The following RGS3 variants were observed in gnomAD, a reference collection of about 807,000 sequenced individuals.
RGS3 encodes the protein regulator of G-protein signalling 3.
RGS3 carries 80 observed loss-of-function variants against 132.6 expected under a neutral mutation model. The observed-to-expected ratio is 0.60, with a 90% CI of 0.50 to 0.73. RGS3 has a LOEUF of 0.73. RGS3 is among the 30% of genes least tolerant of loss of function. The pLI, the probability that RGS3 is intolerant of heterozygous loss-of-function variation, is 0.00. For synonymous variants in RGS3, 598 were observed against 620.6 expected, an observed-to-expected ratio of 0.96 and a Z score of 0.54; for missense variants, 1,382 against 1,530.8, an observed-to-expected ratio of 0.90 and a Z score of 1.62.
upstream of RGS3, among the ~76,000 whole-genome samples, chr9:113,456,536 C>T (rs958689792): frequency 6.6e-6 from 1 of 152,204 alleles, no homozygotes; most frequent in African/African-American, 2.4e-5. Flanking sequence ...CCTATTGCCA[C>T]TTCCCTAGTT....
chr9:113,522,741 C>T (rs1266554133), intron 16 of RGS3, 189 bp from the exon 15 acceptor site: 1 of 597,740 alleles, frequency 1.7e-6, no homozygotes, highest in African/African-American at 1.9e-5. Context: ...GGTGATGGGG[C>T]CATCTTGACT....
intron 3 of RGS3, among the ~76,000 whole-genome samples, chr9:113,467,927 A>C (rs535000713): frequency 6.6e-6 from 1 of 152,160 alleles, no homozygotes; most frequent in Non-Finnish European, 1.5e-5. Context: ...AGGTTTCCCT[A>C]TGTTGCCCAA....
Position 113,591,283 on chromosome 9 carries a change from C to T in RGS3, c.3016-50C>T. The T allele has an allele frequency of 6.5e-7, 1 of 1,541,116 alleles. No individual in the cohort carries two copies. Among genetic ancestry groups the T allele is most frequent in the Non-Finnish European group, 9.0e-7 (1 of 1,116,144 alleles). ...GTCTCTGAGCCTCTGTTTACTTAGGCAGGAGTTCCTGGGTGCCCAGACTGC... is the reference window on the plus strand; with the variant it reads ...GTCTCTGAGCCTCTGTTTACTTAGGTAGGAGTTCCTGGGTGCCCAGACTGC... On this transcript the variant is annotated intron_variant, in intron 20 of 24. Transcript: ENST00000350696. This position sits in a 1 kb window ranked among gnomAD's most constrained non-coding sequence, Gnocchi z 4.4.
chr9:113,517,637 C>T lies in RGS3; in HGVS notation c.1758+13C>T, dbSNP rs1831746240. The T allele has an allele frequency of 1.2e-6, 2 of 1,610,426 alleles. No individual in the cohort carries two copies. The highest frequency in any genetic ancestry group is 1.7e-6 in the Non-Finnish European group (2 of 1,177,694). On this transcript the variant is annotated intron_variant, in intron 16 of 24. Coordinates refer to ENST00000350696, the Ensembl canonical transcript of RGS3. ...CAAGGCTGCCGAGGTAAGACTTTCA[C>T]CTGCATTTTTTAGGGGGCTTTCTGG...
At chr9:113,501,765 G>A in intron 10 of RGS3, 2 of 963,126 alleles carry the variant, frequency 2.1e-6, no homozygotes, top group Non-Finnish European at 3.2e-6. Flanking sequence ...CTTGGATATG[G>A]GGAGGAGGAT....
At chr9:113,535,506 G>A (rs569630627) in intron 18 of RGS3, among the ~76,000 whole-genome samples, 4 of 152,208 alleles carry the variant, frequency 2.6e-5, no homozygotes, top group Non-Finnish European at 5.9e-5. Flanking sequence ...TTACTGAATA[G>A]TAATACTAGT....
At chr9:113,588,730 C>T (rs139261054) in intron 20 of RGS3, among the ~76,000 whole-genome samples, 5 of 152,366 alleles carry the variant, frequency 3.3e-5, no homozygotes, top group African/African-American at 9.6e-5. Flanking sequence ...AGAGTACTTG[C>T]TCACTGCTGT....
intron 17 of RGS3, among the ~76,000 whole-genome samples, chr9:113,524,887 T>C (rs555196120): frequency 6.6e-6 from 1 of 152,160 alleles, no homozygotes; most frequent in Admixed American, 6.5e-5. Context: ...AGGGGTGGGG[T>C]GTGCTCCATC....
intron 8 of RGS3, among the ~76,000 whole-genome samples, chr9:113,496,466 C>T (rs966616783): frequency 1.3e-5 from 2 of 152,156 alleles, no homozygotes; most frequent in Admixed American, 6.5e-5. Context: ...GTGGCATGGC[C>T]TGCCACGCAG....
At chr9:113,471,289 C>T (rs1407715175) in intron 3 of RGS3, among the ~76,000 whole-genome samples, 7 of 151,980 alleles carry the variant, frequency 4.6e-5, no homozygotes, top group African/African-American at 1.5e-4. Flanking sequence ...ATTCCTCTAG[C>T]CCTGAGAAGC....
rs554154863 is a variant in RGS3, at chr9:113,565,073, G to A, written c.2038-18377G>A. On this transcript the variant is annotated intron_variant, in intron 19 of 24. Transcript: ENST00000350696. This position sits in a 1 kb window ranked among gnomAD's most constrained non-coding sequence, Gnocchi z 5.7. Reference sequence around the variant, plus strand: ...AGGGATCCCAGTGCCAGGGGGTGCCGTTGTGAGGGATGGACGCCTCTCCCC... The same window carrying A: ...AGGGATCCCAGTGCCAGGGGGTGCCATTGTGAGGGATGGACGCCTCTCCCC... The A allele has an allele frequency of 2.4e-5, 28 of 1,148,510 alleles. 1 individual carries two copies. The highest frequency in any genetic ancestry group is 9.0e-5 in the South Asian group (5 of 55,630). The allele number at this position is 1,148,510 out of a possible 1,614,324, so 71.1% of individuals were successfully genotyped here.
intron 24 of RGS3, among the ~76,000 whole-genome samples, chr9:113,596,026 C>T (rs1205418822): frequency 8.5e-5 from 13 of 152,228 alleles, no homozygotes; most frequent in Non-Finnish European, 1.6e-4. Flanking sequence ...GTTTAATCCA[C>T]ACAACAACCT....
chr9:113,474,557 T>C (rs1829931664), intron 3 of RGS3, among the ~76,000 whole-genome samples: 1 of 152,138 alleles, frequency 6.6e-6, no homozygotes, highest in African/African-American at 2.4e-5. Context: ...GGCATCTGGC[T>C]GGGCACCCTC....
chr9:113,570,176 A>G (rs746797160), intron 19 of RGS3: 2 of 152,172 alleles, frequency 1.3e-5, no homozygotes, highest in Non-Finnish European at 2.9e-5. Flanking sequence ...ATAGCTGTAA[A>G]GCACTTAGAC....
chr9:113,520,029 A>G (rs1349075378), intron 16 of RGS3, among the ~76,000 whole-genome samples: 7 of 152,188 alleles, frequency 4.6e-5, no homozygotes, highest in Non-Finnish European at 7.3e-5. Context: ...CTCTGCTCTT[A>G]GGTCAGATTC....
chr9:113,475,035 G>C (rs1026918298), intron 3 of RGS3, among the ~76,000 whole-genome samples: 1 of 152,184 alleles, frequency 6.6e-6, no homozygotes, highest in African/African-American at 2.4e-5. Context: ...AAAGTGCCCA[G>C]TAAGTCTGAG....
At chr9:113,523,137 A>T in intron 17 of RGS3, 96 bp downstream of exon 15, 1 of 777,882 alleles carries the variant, frequency 1.3e-6, no homozygotes, top group Non-Finnish European at 2.3e-6. Context: ...AGTCATCCGT[A>T]GGGCACTGGA....
At chr9:113,589,874 G>A (rs1354853495) in intron 20 of RGS3, 1 of 152,222 alleles carries the variant, frequency 6.6e-6, no homozygotes, top group East Asian at 1.9e-4. Flanking sequence ...AAAAATGGAA[G>A]CCGAGAGGCT....
chr9:113,495,683 G>T, intron 7 of RGS3, 103 bp from the exon 6 acceptor site: 1 of 917,910 alleles, frequency 1.1e-6, no homozygotes, highest in Non-Finnish European at 1.8e-6. Flanking sequence ...AAAAAGCTTT[G>T]TAAACCACAG....
Sources: gnomAD v4.1 joint callset for allele counts (sites outside exome capture counted in the v4.1 genomes callset) on GRCh38, gnomAD v4.1.1 for gene constraint, Gnocchi (gnomAD v3.1) non-coding constraint, MANE v1.5 for transcripts, NCBI Gene and HGNC (gene_info 2026-07-23, HGNC 2026-07-21) for gene names.